NOCT: variants seen among roughly 807,000 people sequenced by gnomAD.
The protein encoded by NOCT is nocturnin.
A neutral mutation model predicts 35.0 loss-of-function variants in NOCT; 18 were observed. That is an observed-to-expected ratio of 0.51 (90% CI 0.36 to 0.76). The LOEUF (loss-of-function observed/expected upper bound fraction) is 0.76. Among genes scored for constraint, NOCT ranks in the 30% least tolerant of loss-of-function variants. The probability of loss-of-function intolerance (pLI) is 0.01; values close to 1 mark genes in which losing one functional copy is unlikely to be tolerated. For synonymous variants in NOCT, 235 were observed against 226.3 expected, an observed-to-expected ratio of 1.04 and a Z score of -0.34; for missense variants, 479 against 541.0, an observed-to-expected ratio of 0.89 and a Z score of 1.14.
At chr4:139,021,764 G>GTT (rs11421077) in intron 1 of NOCT, among the ~76,000 whole-genome samples, 2,065 of 143,536 alleles carry the variant, frequency 0.014, 18 homozygotes, top group African/African-American at 0.028. Context: ...AGTTTTTCTG[G>GTT]TTTTTTTTTT....
intron 1 of NOCT, among the ~76,000 whole-genome samples, chr4:139,038,782 C>G (rs1400289328): frequency 6.6e-6 from 1 of 152,122 alleles, no homozygotes; most frequent in African/African-American, 2.4e-5. Context: ...GCCATATAGC[C>G]ATTACATATT....
At chr4:139,029,733 G>A (rs1726592719) in intron 1 of NOCT, among the ~76,000 whole-genome samples, 1 of 152,096 alleles carries the variant, frequency 6.6e-6, no homozygotes. Flanking sequence ...CCAGTCTCTA[G>A]GATCTGGAAA....
chr4:139,040,156 C>T lies in NOCT; in HGVS notation c.191-2918C>T, dbSNP rs574134769. ...CCCGGGAGCCTCCTGCCTCAGCCTCCGAAGCAGCTGGGACTACAGGCGCCC... is the reference window on the plus strand; with the variant it reads ...CCCGGGAGCCTCCTGCCTCAGCCTCTGAAGCAGCTGGGACTACAGGCGCCC... On this transcript the variant is annotated intron_variant, in intron 1 of 2. Transcript: ENST00000280614. Among the ~76,000 whole-genome samples the T allele has an allele frequency of 1.4e-4, 21 of 151,088 alleles. No individual in the cohort carries two copies. The East Asian group carries it at 3.3e-3, about 24-fold the overall frequency.
At chr4:139,017,638 T>C (rs1446564065) in intron 1 of NOCT, among the ~76,000 whole-genome samples, 1 of 151,404 alleles carries the variant, frequency 6.6e-6, no homozygotes, top group Admixed American at 6.6e-5. Context: ...GTGACCATCC[T>C]GGCCAATGGG....
chr4:139,024,265 C>G (rs1376684660), intron 1 of NOCT, among the ~76,000 whole-genome samples: 2 of 151,972 alleles, frequency 1.3e-5, no homozygotes, highest in Non-Finnish European at 2.9e-5. Context: ...TCAGCTCAGA[C>G]TGGTCTCAAA....
Position 139,045,458 on chromosome 4 carries a change from C to T in NOCT, c.1280C>T (p.Ser427Phe). Residue 427 changes from serine to phenylalanine, a missense_variant, in exon 3 of 3, where the codon TCT (serine) becomes TTT (phenylalanine). Transcript: ENST00000280614. ...TGTGACTTCAGCTTTACTGAGGAAT[C>T]TGATGGACTTTCATAAATACTTGCT... ...LVCDFSFTEE[S>F]DGLS is the part of the protein sequence containing the mutation. 6.4e-7 allele frequency: 1 copy of T among 1,560,988 alleles called. No homozygotes were observed.
At chr4:139,020,518 C>T (rs1726388662) in intron 1 of NOCT, among the ~76,000 whole-genome samples, 2 of 152,160 alleles carry the variant, frequency 1.3e-5, no homozygotes, top group Non-Finnish European at 2.9e-5. Flanking sequence ...GGAGCTGTGG[C>T]AAGCATCTTA....
chr4:139,040,020 G>A (rs1179639639), intron 1 of NOCT, among the ~76,000 whole-genome samples: 2 of 148,808 alleles, frequency 1.3e-5, no homozygotes, highest in Non-Finnish European at 3.0e-5. Flanking sequence ...GAGCCACCGC[G>A]TCCGGCCTCT....
At chr4:139,017,603 G>A (rs951942301) in intron 1 of NOCT, among the ~76,000 whole-genome samples, 2 of 151,364 alleles carry the variant, frequency 1.3e-5, no homozygotes, top group East Asian at 4.0e-4. Context: ...GCGGAGGCGG[G>A]TAGATCACCC....
rs1382663887 is a variant in NOCT at position 139,015,871 on chromosome 4, G to A, written c.-111G>A. 15 of 864,502 alleles carry A rather than the reference G, an allele frequency of 1.7e-5. No homozygotes were observed. Among genetic ancestry groups the A allele is most frequent in the Non-Finnish European group, 2.3e-5 (15 of 655,182 alleles). 53.6% of individuals were successfully genotyped at this position (864,502 alleles called of 1,614,324 possible). On this transcript the variant is annotated 5_prime_UTR_variant, in exon 1 of 3. Coordinates refer to ENST00000280614, the MANE Select transcript of NOCT (RefSeq NM_012118.4). ...ACCTGCGCCGCGCGAGAAGGAGCCT[G>A]GGAGCATCCGCCCACACTGCCCGGA...
intron 1 of NOCT, among the ~76,000 whole-genome samples, chr4:139,033,364 CAA>C (rs534407323): frequency 1.5e-5 from 2 of 137,594 alleles, no homozygotes; most frequent in Admixed American, 7.3e-5. Flanking sequence ...GACTCCATCT[CAA>C]AAAAAAAAAA....
Position 139,016,184 on chromosome 4 carries a change from C to T in NOCT, c.190+13C>T. On this transcript the variant is annotated intron_variant, in intron 1 of 2. Transcript: ENST00000280614. ...TGTTCCCGAACAGGTGAGTGCACCC[C>T]AGTTCCGGGCGGAGAACGCCACGGC... is the stretch of plus-strand genomic sequence containing the variant. 8.1e-7 allele frequency: 1 copy of T among 1,235,434 alleles called. No homozygotes were observed. Among genetic ancestry groups the T allele is most frequent in the East Asian group, 3.2e-5 (1 of 31,214 alleles). The allele number at this position is 1,235,434 out of a possible 1,614,324, so 76.5% of individuals were successfully genotyped here.
At chr4:139,030,626 C>T (rs1034513054) in intron 1 of NOCT, among the ~76,000 whole-genome samples, 3 of 152,116 alleles carry the variant, frequency 2.0e-5, no homozygotes, top group African/African-American at 7.2e-5. Context: ...TTTATTGATT[C>T]CTTCAATATA....
rs139222573 is a variant in NOCT, at chr4:139,024,971, T to C, written c.190+8800T>C. Among the ~76,000 whole-genome samples, 398 of 152,226 alleles carry C rather than the reference T, an allele frequency of 2.6e-3. 1 individual carries two copies. The highest frequency in any genetic ancestry group is 9.1e-3 in the African/African-American group (379 of 41,538). ...CAGCCAGGCTTCCTTGTTGAATGCG[T>C]GAGAGGGAGCAGGCTGGTAACTACC... is the stretch of plus-strand genomic sequence containing the variant. On this transcript the variant is annotated intron_variant, in intron 1 of 2. Transcript: ENST00000280614.
Position 139,045,130 on chromosome 4 carries a change from C to T in NOCT, c.952C>T (p.Pro318Ser). 2 of 1,614,208 alleles carry T rather than the reference C, an allele frequency of 1.2e-6. No homozygotes were observed. Among genetic ancestry groups the T allele is most frequent in the Non-Finnish European group, 1.7e-6 (2 of 1,180,036 alleles). ...AAACATCACCCAAGGAGCCAAGATT[C>T]CCCTTATTGTGTGTGGGGACTTCAA... is the stretch of plus-strand genomic sequence containing the variant. The part of the protein sequence containing the change: ...LQNITQGAKI[P>S]LIVCGDFNAE... The change falls in exon 3 of 3, where the codon CCC (proline) becomes TCC (serine). Residue 318 changes from proline to serine, a missense_variant. By Grantham distance (74) the Pro-to-Ser change is moderately conservative. Transcript: ENST00000280614.
At chr4:139,016,638 G>GT (rs1560727604) in intron 1 of NOCT, among the ~76,000 whole-genome samples, 2 of 50,822 alleles carry the variant, frequency 3.9e-5, no homozygotes, top group African/African-American at 1.4e-4. Flanking sequence ...TTCGTTTTAC[G>GT]TTGTTTTTTT....
Position 139,044,809 on chromosome 4 carries a change from G to A in NOCT, c.631G>A (p.Gly211Ser). The change falls in exon 3 of 3, where the codon GGC becomes AGC. Residue 211 changes from glycine to serine, a missense_variant. By Grantham distance (56) the Gly-to-Ser change is moderately conservative. This residue lies in a region of NOCT where 214 missense variants were observed against 284.0 expected (regional missense o/e 0.75). Transcript: ENST00000280614. Reference sequence around the variant, plus strand: ...CTTCCAGCCACTCCTCAGTAGACTAGGCTATCAAGGCACGTTTTTCCCCAA... The same window carrying A: ...CTTCCAGCCACTCCTCAGTAGACTAAGCTATCAAGGCACGTTTTTCCCCAA... ...DTFQPLLSRL[G>S]YQGTFFPKPW... 1 of 1,614,186 alleles carries A rather than the reference G, an allele frequency of 6.2e-7. No individual in the cohort carries two copies.
chr4:139,037,703 C>T (rs1726759698), intron 1 of NOCT, among the ~76,000 whole-genome samples: 1 of 152,100 alleles, frequency 6.6e-6, no homozygotes, highest in African/African-American at 2.4e-5. Flanking sequence ...AAATTAAGAC[C>T]ACGTAAGCCC....
intron 1 of NOCT, among the ~76,000 whole-genome samples, chr4:139,038,060 C>T (rs541260013): frequency 2.0e-5 from 3 of 151,900 alleles, no homozygotes; most frequent in East Asian, 1.9e-4. Context: ...ATTAGCCAGG[C>T]GTGGTAGAAC....
Sources: gnomAD v4.1 joint callset for allele counts (sites outside exome capture counted in the v4.1 genomes callset) on GRCh38, gnomAD v4.1.1 for gene constraint, gnomAD v4.1.1 regional missense constraint, MANE v1.5 for transcripts, NCBI Gene and HGNC (gene_info 2026-07-23, HGNC 2026-07-21) for gene names.